DLEC1: variants seen among roughly 807,000 people sequenced by gnomAD.
DLEC1 encodes DLEC1 cilia and flagella associated protein.
A neutral mutation model predicts 198.1 loss-of-function variants in DLEC1; 146 were observed. That is an observed-to-expected ratio of 0.74 (90% CI 0.64 to 0.85). The LOEUF is 0.85. DLEC1 is among the 40% of genes least tolerant of loss of function. The pLI, the probability that DLEC1 is intolerant of heterozygous loss-of-function variation, is 0.00. For synonymous variants in DLEC1, 897 were observed against 866.8 expected, an observed-to-expected ratio of 1.03 and a Z score of -0.61; for missense variants, 2,233 against 2,220.0, an observed-to-expected ratio of 1.01 and a Z score of -0.12.
At chr3:38,088,833 C>T (rs1698599238) in intron 10 of DLEC1, among the ~76,000 whole-genome samples, 1 of 152,104 alleles carries the variant, frequency 6.6e-6, no homozygotes, top group African/African-American at 2.4e-5. Context: ...CTCCGTTACG[C>T]CTCATCCTGA....
Position 38,097,543 on chromosome 3 carries a change from C to T in DLEC1, c.2471C>T (p.Thr824Ile). Residue 824 changes from threonine (T) to isoleucine (I), a missense_variant, in exon 17 of 37, where the codon ACT (threonine) becomes ATT (isoleucine). Physicochemically the swap from Thr to Ile is moderately conservative, Grantham distance 89. Transcript: ENST00000308059. ...GTCGGGGATTTTGAGTTGAACTTTA[C>T]TGGGGGTGTCCCTGGCCCCACAAGC... ...SEVGDFELNF[T>I]GGVPGPTSQD... 1 of 1,614,210 alleles carries T rather than the reference C, an allele frequency of 6.2e-7. No homozygotes were observed. Among genetic ancestry groups the T allele is most frequent in the African/African-American group, 1.3e-5 (1 of 75,060 alleles).
intron 13 of DLEC1, chr3:38,095,526 T>C: frequency 3.2e-6 from 1 of 315,384 alleles, no homozygotes; most frequent in Non-Finnish European, 6.0e-6. Context: ...CCATTGTTAG[T>C]GGGTTTGGGG....
chr3:38,117,145 T>C, intron 30 of DLEC1, 45 bp downstream of exon 30: 1 of 1,614,052 alleles, frequency 6.2e-7, no homozygotes, highest in Non-Finnish European at 8.5e-7. Context: ...CACTGCTCCC[T>C]CCTGGGTAGC....
In DLEC1 at chr3:38,123,018, T is replaced by C. The variant is rs532199282; in HGVS notation, c.*606T>C. On this transcript the variant is annotated 3_prime_UTR_variant, in exon 37 of 37. Transcript: ENST00000308059. ...TTGCTGCTAGAGCAGCAGGACTGTC[T>C]GCGTAGCGCCTCCAGCCTGGGACCT... 1.1e-5 allele frequency: 18 copies of C among 1,611,996 alleles called. No homozygotes were observed. In the South Asian group the frequency reaches 1.6e-4, roughly 15 times the overall value.
Position 38,110,222 on chromosome 3 carries a change from C to A in DLEC1, c.3384C>A (p.Phe1128Leu). The change falls in exon 23 of 37, where the codon TTC becomes TTA. Residue 1128 changes from phenylalanine (F) to leucine (L), a missense_variant. Coordinates refer to ENST00000308059, the MANE Select transcript of DLEC1 (RefSeq NM_007335.4). ...ATCGCTCCCCAATACGGACCCGTTT[C>A]TCCCTCAAGTTTGAGTATTTCGGGA... Reference protein sequence around the residue: ...LTNRSPIRTRFSLKFEYFGSP... With the variant: ...LTNRSPIRTRLSLKFEYFGSP... The A allele has an allele frequency of 6.2e-7, 1 of 1,614,194 alleles. No individual in the cohort carries two copies. The highest frequency in any genetic ancestry group is 8.5e-7 in the Non-Finnish European group (1 of 1,180,042).
intron 1 of DLEC1, among the ~76,000 whole-genome samples, chr3:38,042,552 C>CTTT (rs71635860): frequency 0.022 from 2,282 of 104,702 alleles, 121 homozygotes; most frequent in Non-Finnish European, 0.03. Flanking sequence ...ATGTTGCTGG[C>CTTT]TTTTTTTTTT....
intron 2 of DLEC1, among the ~76,000 whole-genome samples, chr3:38,050,055 A>C (rs1701040058): frequency 6.6e-6 from 1 of 152,108 alleles, no homozygotes; most frequent in Admixed American, 6.5e-5. Flanking sequence ...GTGAGTTTGA[A>C]AACAACTTCC....
chr3:38,061,923 C>T (rs1394186319), intron 3 of DLEC1, among the ~76,000 whole-genome samples: 3 of 152,208 alleles, frequency 2.0e-5, no homozygotes, highest in Admixed American at 1.3e-4. Context: ...GTGATGCTCC[C>T]ACCTTGGCCT....
chr3:38,069,551 A>C (rs1192794688), intron 6 of DLEC1, among the ~76,000 whole-genome samples: 1 of 152,226 alleles, frequency 6.6e-6, no homozygotes, highest in Non-Finnish European at 1.5e-5. Flanking sequence ...GAATGTCTTC[A>C]CAGCAGGCCT....
intron 34 of DLEC1, 60 bp from the exon 35 acceptor site, chr3:38,121,568 T>A (rs191833878): frequency 6.4e-7 from 1 of 1,567,964 alleles, no homozygotes; most frequent in East Asian, 2.2e-5. Flanking sequence ...GTTCTGTGTG[T>A]CCCAGAGGCC....
chr3:38,100,415 G>A lies in DLEC1; in HGVS notation c.2854G>A (p.Gly952Ser). 6.2e-7 allele frequency: 1 copy of A among 1,612,256 alleles called. No homozygotes were observed. The highest frequency in any genetic ancestry group is 8.5e-7 in the Non-Finnish European group (1 of 1,179,384). ...ETVLELEVENGAWSYLPVYAE... is the reference protein window; with the variant it reads ...ETVLELEVENSAWSYLPVYAE... ...CGTCCTGGAGCTGGAGGTGGAAAAT[G>A]GTGCCTGGAGGTAAGGGTGCCGTGG... Residue 952 changes from glycine (G) to serine (S), a missense_variant, in exon 19 of 37, where the codon GGT becomes AGT. Gly to Ser is a moderately conservative substitution (Grantham distance 56, BLOSUM62 0). Coordinates refer to ENST00000308059, the MANE Select transcript of DLEC1 (RefSeq NM_007335.4).
chr3:38,088,724 C>A (rs560139317), intron 10 of DLEC1, among the ~76,000 whole-genome samples: 3 of 152,170 alleles, frequency 2.0e-5, no homozygotes, highest in Non-Finnish European at 4.4e-5. Context: ...TTCCCTCCCC[C>A]AGGCCCCTCT....
intron 19 of DLEC1, among the ~76,000 whole-genome samples, chr3:38,101,551 C>CATATATTTGG (rs771486356): frequency 1.3e-5 from 2 of 151,888 alleles, no homozygotes; most frequent in Non-Finnish European, 2.9e-5. Flanking sequence ...CTCATTTTTG[C>CATATATTTGG]ATATATTTGG....
rs1700568972 is a variant in DLEC1 at position 38,123,030 on chromosome 3, C to T, written c.*618C>T. 6.2e-7 allele frequency: 1 copy of T among 1,613,748 alleles called. No individual in the cohort carries two copies. Among genetic ancestry groups the T allele is most frequent in the South Asian group, 1.1e-5 (1 of 91,088 alleles). On this transcript the variant is annotated 3_prime_UTR_variant, in exon 37 of 37. Coordinates refer to ENST00000308059, the MANE Select transcript of DLEC1 (RefSeq NM_007335.4). ...CAGCAGGACTGTCTGCGTAGCGCCT[C>T]CAGCCTGGGACCTCACTCAGTTCCC...
chr3:38,104,684 G>A (rs975610583), intron 19 of DLEC1, among the ~76,000 whole-genome samples: 2 of 151,962 alleles, frequency 1.3e-5, no homozygotes, highest in African/African-American at 4.8e-5. Context: ...AATTTTTCTT[G>A]GTCAGTCTAG....
chr3:38,090,295 C>T (rs887586118), intron 10 of DLEC1, among the ~76,000 whole-genome samples: 3 of 152,214 alleles, frequency 2.0e-5, no homozygotes, highest in African/African-American at 7.2e-5. Context: ...AGAGGCCATA[C>T]CTGGCCAGTT....
In DLEC1 at chr3:38,116,569, G is replaced by C. The variant is rs868475191; in HGVS notation, c.3973G>C (p.Val1325Leu). ...PLRDQAGNEL[V>L]CPDTPEGGCL... is the part of the protein sequence containing the mutation. ...GCGGGACCAAGCCGGGAATGAGCTT[G>C]TGTGCCCTGATACCCCTGAGGGTGG... The change falls in exon 28 of 37, where the codon GTG becomes CTG. Residue 1325 changes from valine to leucine, a missense_variant. Physicochemically the swap from Val to Leu is conservative, Grantham distance 32. Coordinates refer to ENST00000308059, the MANE Select transcript of DLEC1 (RefSeq NM_007335.4). 4 of 1,614,140 alleles carry C rather than the reference G, an allele frequency of 2.5e-6. No homozygotes were observed. The Admixed American group carries it at 5.0e-5, about 20-fold the overall frequency.
chr3:38,092,651 T>A lies in DLEC1; in HGVS notation c.1666-139T>A. The A allele has an allele frequency of 5.2e-6, 4 of 762,098 alleles. No individual in the cohort carries two copies. In the Admixed American group the frequency reaches 8.0e-5, roughly 15 times the overall value. 47.2% of individuals were successfully genotyped at this position (762,098 alleles called of 1,614,324 possible). ...AGGGTAAAACACTTGGCCTTAGGAG[T>A]AAGGTGGGAGGTGGCAGGGAGGGGA... is the stretch of plus-strand genomic sequence containing the variant. On this transcript the variant is annotated intron_variant, in intron 10 of 36. Transcript: ENST00000308059.
At chr3:38,058,318 TC>T (rs1415526426) in intron 2 of DLEC1, among the ~76,000 whole-genome samples, 1 of 152,156 alleles carries the variant, frequency 6.6e-6, no homozygotes, top group African/African-American at 2.4e-5. Flanking sequence ...CCAGTCCTGA[TC>T]CCCTGTGTGA....
Sources: allele counts gnomAD v4.1 joint callset (sites outside exome capture counted in the v4.1 genomes callset), GRCh38; gene constraint gnomAD v4.1.1; transcripts MANE v1.5; gene names NCBI Gene and HGNC (gene_info 2026-07-23, HGNC 2026-07-21).